Variants in DNAH12 observed in about 807,000 individuals in gnomAD.
DNAH12 encodes dynein axonemal heavy chain 12.
In DNAH12, 285 loss-of-function variants were observed where a neutral mutation model predicts 371.5. The observed-to-expected ratio is 0.77, with a 90% confidence interval of 0.70 to 0.85. The LOEUF is 0.85. Ranked by LOEUF, DNAH12 falls within the 40% of genes least tolerant of loss-of-function variation. The pLI, the probability that DNAH12 is intolerant of heterozygous loss-of-function variation, is 0.00. For synonymous variants in DNAH12, 1,200 were observed against 1,213.0 expected, an observed-to-expected ratio of 0.99 and a Z score of 0.22; for missense variants, 3,611 against 3,689.4, an observed-to-expected ratio of 0.98 and a Z score of 0.55.
chr3:57,333,329 CTTTTTT>C (rs34135477), intron 62 of DNAH12, among the ~76,000 whole-genome samples: 1 of 111,114 alleles, frequency 9.0e-6, no homozygotes, highest in African/African-American at 4.6e-5. Flanking sequence ...TTTAAGGCAA[CTTTTTT>C]TTTTTTTTTT....
chr3:57,414,297 A>G (rs1461507808), intron 38 of DNAH12, among the ~76,000 whole-genome samples: 7 of 152,194 alleles, frequency 4.6e-5, no homozygotes, highest in Admixed American at 4.6e-4. Flanking sequence ...GCATGTTTCT[A>G]CAACATTTCT....
intron 35 of DNAH12, among the ~76,000 whole-genome samples, chr3:57,424,753 C>A (rs2064707951): frequency 1.3e-5 from 2 of 150,212 alleles, no homozygotes; most frequent in Admixed American, 6.6e-5. Context: ...TCACTGCACT[C>A]CAACCTGGGT....
chr3:57,508,326 A>G (rs2067850562), intron 7 of DNAH12, 56 bp downstream of exon 7: 2 of 1,458,974 alleles, frequency 1.4e-6, no homozygotes, highest in South Asian at 1.5e-5. Flanking sequence ...TTATACAGTC[A>G]AAAATATAGA....
At chr3:57,504,855 CT>C (rs1433198388) in intron 8 of DNAH12, among the ~76,000 whole-genome samples, 1 of 151,772 alleles carries the variant, frequency 6.6e-6, no homozygotes, top group Non-Finnish European at 1.5e-5. Flanking sequence ...TTTTTCTTTT[CT>C]TTTTTTCTCT....
Position 57,301,812 on chromosome 3 carries a change from C to T in DNAH12, c.11317G>A (p.Ala3773Thr), listed in dbSNP as rs1404211519. The T allele has an allele frequency of 1.3e-6, 2 of 1,551,524 alleles. No homozygotes were observed. The highest frequency in any genetic ancestry group is 1.7e-6 in the Non-Finnish European group (2 of 1,146,976). ...TTAAGGCTTGGGTATGAACGTTTGG[C>T]CCATATTTCTGGAACCTTTCCAACA... Reference protein sequence around the residue: ...LLVGKVPEIWAKRSYPSLKPL... With the variant: ...LLVGKVPEIWTKRSYPSLKPL... Residue 3773 changes from alanine to threonine, a missense_variant, in exon 70 of 74, where the codon GCC becomes ACC. Around this residue, in one of 3 missense-constraint regions of DNAH12, gnomAD observed 2,266 missense variants for 2,236.9 expected, o/e 1.01. Transcript: ENST00000495027.
intron 16 of DNAH12, among the ~76,000 whole-genome samples, chr3:57,469,585 G>C (rs1226694690): frequency 6.6e-6 from 1 of 152,138 alleles, no homozygotes; most frequent in Non-Finnish European, 1.5e-5. Flanking sequence ...CAACCTAGGT[G>C]CCCATCAACA....
intron 62 of DNAH12, among the ~76,000 whole-genome samples, chr3:57,328,534 T>TAA (rs1431390077): frequency 3.3e-5 from 5 of 151,572 alleles, no homozygotes; most frequent in African/African-American, 1.2e-4. Flanking sequence ...AAACTCTCAA[T>TAA]AAATTAGGTA....
chr3:57,390,908 T>C (rs2063609361), intron 45 of DNAH12, among the ~76,000 whole-genome samples: 1 of 152,160 alleles, frequency 6.6e-6, no homozygotes, highest in Admixed American at 6.5e-5. Flanking sequence ...TAAAACCAAA[T>C]TCCTGGGAAT....
Position 57,502,456 on chromosome 3 carries a change from C to G in DNAH12, c.1110G>C (p.Trp370Cys). ...ALQNVQTIPSWLSGTSTPVNL... is the reference protein window; with the variant it reads ...ALQNVQTIPSCLSGTSTPVNL... ...TTACTGGTGTTGAAGTTCCTGATAGCCAAGAGGGGATTGTTTGGACATTCT... is the reference window on the plus strand; with the variant it reads ...TTACTGGTGTTGAAGTTCCTGATAGGCAAGAGGGGATTGTTTGGACATTCT... Residue 370 changes from tryptophan to cysteine, a missense_variant, in exon 10 of 74, where the codon TGG (tryptophan) becomes TGC (cysteine). Coordinates refer to ENST00000495027, the MANE Select transcript of DNAH12 (RefSeq NM_001366028.2). 6.2e-7 allele frequency: 1 copy of G among 1,613,950 alleles called. No individual in the cohort carries two copies. Among genetic ancestry groups the G allele is most frequent in the Non-Finnish European group, 8.5e-7 (1 of 1,179,984 alleles).
chr3:57,502,042 G>C (rs2067568474), intron 10 of DNAH12, among the ~76,000 whole-genome samples: 1 of 152,008 alleles, frequency 6.6e-6, no homozygotes, highest in South Asian at 2.1e-4. Flanking sequence ...GAGTAGCCGG[G>C]ACTACAGGCG....
chr3:57,294,061 C>A, intron 73 of DNAH12, 90 bp from the exon 74 acceptor site: 1 of 1,133,880 alleles, frequency 8.8e-7, no homozygotes, highest in Non-Finnish European at 1.2e-6. Flanking sequence ...ATAAAATGGC[C>A]AGAACTAAAT....
chr3:57,499,642 A>AT (rs1451138277), intron 11 of DNAH12, among the ~76,000 whole-genome samples: 91 of 40,430 alleles, frequency 2.3e-3, no homozygotes, highest in Non-Finnish European at 4.1e-3. Flanking sequence ...AAAAAAAAAA[A>AT]AAAAAATATA....
chr3:57,395,382 A>T (rs879082675), intron 43 of DNAH12, among the ~76,000 whole-genome samples: 1 of 152,030 alleles, frequency 6.6e-6, no homozygotes, highest in Non-Finnish European at 1.5e-5. Context: ...AACTTCTCTA[A>T]GTTATTTTTA....
At chr3:57,401,823 A>ATTGGTTG (rs2063877983) in intron 43 of DNAH12, among the ~76,000 whole-genome samples, 1 of 152,194 alleles carries the variant, frequency 6.6e-6, no homozygotes, top group Non-Finnish European at 1.5e-5. Context: ...AGCACAACCA[A>ATTGGTTG]TGCCACAGAA....
chr3:57,498,512 T>G, intron 11 of DNAH12: 1 of 716,088 alleles, frequency 1.4e-6, no homozygotes, highest in African/African-American at 1.7e-5. Flanking sequence ...AAAAATACAC[T>G]TCCCATACCA....
At chr3:57,360,269 C>T (rs1274021670) in intron 58 of DNAH12, among the ~76,000 whole-genome samples, 1 of 152,090 alleles carries the variant, frequency 6.6e-6, no homozygotes, top group Non-Finnish European at 1.5e-5. Flanking sequence ...CCTTTGGCTC[C>T]CCCAAGATGA....
intron 14 of DNAH12, 43 bp downstream of exon 14, chr3:57,472,503 G>C (rs2066395017): frequency 6.6e-7 from 1 of 1,523,488 alleles, no homozygotes; most frequent in African/African-American, 1.4e-5. Flanking sequence ...TGATGTGCTT[G>C]AAATGTCAGA....
intron 29 of DNAH12, among the ~76,000 whole-genome samples, chr3:57,443,626 A>G (rs1196870456): frequency 1.3e-5 from 2 of 152,180 alleles, no homozygotes; most frequent in African/African-American, 4.8e-5. Flanking sequence ...TATACATTAT[A>G]TAATGATTAC....
At chr3:57,301,677 TACACACAC>T (rs57748737) in intron 70 of DNAH12, 50 bp downstream of exon 70, 179,148 of 1,148,440 alleles carry the variant, frequency 0.16, 14,793 homozygotes, top group African/African-American at 0.33. Flanking sequence ...ACATGTATTT[TACACACAC>T]ACACACACAC....
Sources: allele counts gnomAD v4.1 joint callset (sites outside exome capture counted in the v4.1 genomes callset), GRCh38; gene constraint gnomAD v4.1.1; regional missense constraint gnomAD v4.1.1; transcripts MANE v1.5; gene names NCBI Gene and HGNC (gene_info 2026-07-23, HGNC 2026-07-21).